Variants in TEX14 observed in about 807,000 individuals in gnomAD.
TEX14 encodes the protein inactive serine/threonine-protein kinase TEX14.
In TEX14, 168 loss-of-function variants were observed where a neutral mutation model predicts 178.6. That is an observed-to-expected ratio of 0.94 (90% CI 0.83 to 1.07). The LOEUF (loss-of-function observed/expected upper bound fraction) is 1.07. Among genes scored for constraint, TEX14 ranks in the 50% least tolerant of loss-of-function variants. The probability of loss-of-function intolerance (pLI) is 0.00; values close to 1 mark genes in which losing one functional copy is unlikely to be tolerated. For missense variants in TEX14, 1,730 were observed against 1,753.6 expected (o/e 0.99, Z 0.24); for synonymous variants, 626 against 634.1 (o/e 0.99, Z 0.19).
intron 14 of TEX14, among the ~76,000 whole-genome samples, chr17:58,595,074 A>C (rs1022441717): frequency 6.6e-6 from 1 of 152,212 alleles, no homozygotes; most frequent in African/African-American, 2.4e-5. Flanking sequence ...ATGCTTCACC[A>C]TAACAGGTGT....
intron 14 of TEX14, among the ~76,000 whole-genome samples, chr17:58,595,992 G>C (rs2045270080): frequency 6.6e-6 from 1 of 152,168 alleles, no homozygotes; most frequent in Non-Finnish European, 1.5e-5. Context: ...AGACCAGCCT[G>C]GCCAATATGG....
rs759632634 is a variant in TEX14 at position 58,639,518 on chromosome 17, T to C, written c.137-8964A>G. On this transcript the variant is annotated intron_variant, in intron 2 of 31. Coordinates refer to ENST00000349033, the MANE Select transcript of TEX14 (RefSeq NM_031272.5). Reference sequence around the variant, plus strand: ...GAGTTCAAGACTAGCCTGACCAACATAGAGAAACCACGTCTCTACTAAAAA... The same window carrying C: ...GAGTTCAAGACTAGCCTGACCAACACAGAGAAACCACGTCTCTACTAAAAA... Among the ~76,000 whole-genome samples the C allele has an allele frequency of 4.0e-5, 6 of 151,886 alleles. No homozygotes were observed. The South Asian group carries it at 1.0e-3, about 26-fold the overall frequency.
In TEX14 at chr17:58,602,610, C is replaced by A; in HGVS notation, c.1337-20G>T. 1 of 1,589,178 alleles carries A rather than the reference C, an allele frequency of 6.3e-7. No individual in the cohort carries two copies. Among genetic ancestry groups the A allele is most frequent in the Non-Finnish European group, 8.6e-7 (1 of 1,165,382 alleles). ...TGTCATCTGTAAGGAAAAAGTCATA[C>A]AAAAGAGTAAATTAGGAAACCAAAG... is the stretch of plus-strand genomic sequence containing the variant. On this transcript the variant is annotated intron_variant, in intron 11 of 31. Transcript: ENST00000349033.
intron 7 of TEX14, 86 bp downstream of exon 7, chr17:58,616,089 A>G: frequency 7.0e-7 from 1 of 1,430,762 alleles, no homozygotes; most frequent in Non-Finnish European, 9.5e-7. Context: ...GTTTGAGTAG[A>G]AACTCCCCAC....
intron 1 of TEX14, among the ~76,000 whole-genome samples, chr17:58,659,856 C>A (rs2047069628): frequency 6.6e-6 from 1 of 151,826 alleles, no homozygotes; most frequent in South Asian, 2.1e-4. Context: ...GCCACCACAC[C>A]TGGCTAATTT....
intron 3 of TEX14, among the ~76,000 whole-genome samples, chr17:58,626,513 T>C (rs565822389): frequency 7.4e-4 from 96 of 129,932 alleles, no homozygotes; most frequent in African/African-American, 2.7e-3. Context: ...GAGGCTGCAG[T>C]GAGCCAAGAC....
intron 5 of TEX14, among the ~76,000 whole-genome samples, chr17:58,618,105 T>C (rs775790628): frequency 6.6e-6 from 1 of 152,178 alleles, no homozygotes; most frequent in Non-Finnish European, 1.5e-5. Context: ...CTAACTAACA[T>C]CTTAACTGCA....
intron 1 of TEX14, among the ~76,000 whole-genome samples, chr17:58,654,553 C>A (rs908399623): frequency 6.8e-6 from 1 of 146,518 alleles, no homozygotes; most frequent in East Asian, 2.0e-4. Flanking sequence ...GTTGCCCAGG[C>A]TGCAGTGTAG....
intron 1 of TEX14, among the ~76,000 whole-genome samples, chr17:58,683,156 T>C (rs1450027980): frequency 1.3e-5 from 2 of 150,624 alleles, no homozygotes; most frequent in Non-Finnish European, 3.0e-5. Context: ...GTGAATCACT[T>C]GAGGTCAAGA....
At chr17:58,685,278 A>T (rs1352453982) in intron 1 of TEX14, among the ~76,000 whole-genome samples, 1 of 151,894 alleles carries the variant, frequency 6.6e-6, no homozygotes, top group Admixed American at 6.6e-5. Flanking sequence ...TACTAAAAAA[A>T]TACAAAAATT....
chr17:58,589,932 A>C (rs755366222), intron 15 of TEX14, among the ~76,000 whole-genome samples: 2 of 151,980 alleles, frequency 1.3e-5, no homozygotes, highest in Admixed American at 6.6e-5. Context: ...TCAAACTCCC[A>C]GACTTCAAGC....
chr17:58,689,353 T>C (rs576967298), intron 1 of TEX14, among the ~76,000 whole-genome samples: 122 of 152,126 alleles, frequency 8.0e-4, no homozygotes, highest in Non-Finnish European at 1.1e-3. Context: ...CCTAAGTAGC[T>C]GGGACTATAG....
At position 58,617,569 on chromosome 17, in the gene TEX14, G is replaced by A; in HGVS notation, c.605C>T (p.Ala202Val). 6.2e-7 allele frequency: 1 copy of A among 1,613,832 alleles called. No homozygotes were observed. ...NRLLKAGVIS[A>V]QNIYSFGFGK... is the part of the protein sequence containing the mutation. ...AAAACCAAAGCTGTAGATATTTTGA[G>A]CAGAAATGACTCCAGCTTTAAGCAG... The change falls in exon 6 of 32, where the codon GCT (alanine) becomes GTT (valine). Residue 202 changes from alanine (A) to valine (V), a missense_variant. Around this residue, in one of 2 missense-constraint regions of TEX14, gnomAD observed 789 missense variants for 681.2 expected, o/e 1.16. Transcript: ENST00000349033.
chr17:58,607,437 T>C (rs949775869), intron 10 of TEX14, among the ~76,000 whole-genome samples: 11 of 152,192 alleles, frequency 7.2e-5, no homozygotes, highest in African/African-American at 2.7e-4. Context: ...CATGGTCTCA[T>C]GGCTGGTGTT....
intron 30 of TEX14, among the ~76,000 whole-genome samples, 195 bp downstream of exon 30, chr17:58,559,258 T>G (rs2044221541): frequency 2.0e-5 from 3 of 152,144 alleles, no homozygotes; most frequent in Admixed American, 1.3e-4. Context: ...GAAATAGAAT[T>G]GGATGTTATT....
chr17:58,608,656 C>A (rs1293620470), intron 10 of TEX14, among the ~76,000 whole-genome samples: 1 of 152,200 alleles, frequency 6.6e-6, no homozygotes, highest in Non-Finnish European at 1.5e-5. Context: ...TCTGGTGGCA[C>A]AGACACACTT....
At chr17:58,616,422 C>T (rs1183903604) in intron 6 of TEX14, 117 bp from the exon 7 acceptor site, 5 of 1,329,858 alleles carry the variant, frequency 3.8e-6, no homozygotes, top group East Asian at 2.4e-5. Context: ...TTTCTGAATA[C>T]CCCTATGCAC....
At chr17:58,639,789 A>G (rs758324789) in intron 2 of TEX14, among the ~76,000 whole-genome samples, 1 of 152,132 alleles carries the variant, frequency 6.6e-6, no homozygotes, top group Non-Finnish European at 1.5e-5. Flanking sequence ...GTTGCTCACA[A>G]CTATCCTAAG....
At chr17:58,684,232 C>T (rs890726152) in intron 1 of TEX14, among the ~76,000 whole-genome samples, 4 of 151,728 alleles carry the variant, frequency 2.6e-5, no homozygotes, top group Non-Finnish European at 1.5e-5. Flanking sequence ...GAGGCCTTGG[C>T]GGGTGGATCA....
Sources: gnomAD v4.1 joint callset for allele counts (sites outside exome capture counted in the v4.1 genomes callset) on GRCh38, gnomAD v4.1.1 for gene constraint, gnomAD v4.1.1 regional missense constraint, MANE v1.5 for transcripts, NCBI Gene and HGNC (gene_info 2026-07-23, HGNC 2026-07-21) for gene names.